Variants in GRIA2 observed in about 807,000 individuals in gnomAD.
GRIA2 encodes the protein glutamate ionotropic receptor AMPA type subunit 2, also known as glutamate receptor 2.
A neutral mutation model predicts 97.3 loss-of-function variants in GRIA2; 14 were observed. The observed-to-expected ratio is 0.14, with a 90% CI of 0.10 to 0.23. The LOEUF is 0.23. GRIA2 is among the 10% of genes least tolerant of loss of function. GRIA2 has a pLI of 1.00. For synonymous variants in GRIA2, 412 were observed against 387.8 expected (o/e 1.06, Z -0.73); for missense variants, 558 against 1,069.8 (o/e 0.52, Z 6.67).
In GRIA2 at chr4:157,294,193, C is replaced by CTT. The variant is rs59119203; in HGVS notation, c.230-9348_230-9347dup. 5.0e-3 allele frequency among the ~76,000 whole-genome samples: 715 copies of CTT among 144,162 alleles called. 5 individuals are homozygous for CTT. The highest frequency in any genetic ancestry group is 0.013 in the African/African-American group (525 of 39,484). The allele number at this position is 144,162 out of a possible 152,430, so 94.6% of individuals were successfully genotyped here. On this transcript the variant is annotated intron_variant, in intron 2 of 15. Coordinates refer to ENST00000264426, the MANE Select transcript of GRIA2 (RefSeq NM_001083619.3). The stretch of plus-strand genomic sequence containing the variant: ...AGACAGTAAGGTGATAAAGTTCTGT[C>CTT]TTTTTTTTTTTTGTATTTTATTTAA...
chr4:157,309,268 A>G (rs975567165), intron 3 of GRIA2, among the ~76,000 whole-genome samples: 1 of 152,068 alleles, frequency 6.6e-6, no homozygotes, highest in Non-Finnish European at 1.5e-5. Flanking sequence ...TTTTAATAAC[A>G]GTGAATCCTG....
At chr4:157,258,338 A>G (rs1473147374) in intron 2 of GRIA2, among the ~76,000 whole-genome samples, 1 of 151,870 alleles carries the variant, frequency 6.6e-6, no homozygotes, top group African/African-American at 2.4e-5. Context: ...TCCTAGGGGG[A>G]GGTCTCTAAA....
intron 2 of GRIA2, among the ~76,000 whole-genome samples, chr4:157,292,388 A>T (rs928910127): frequency 6.6e-6 from 1 of 152,022 alleles, no homozygotes; most frequent in Non-Finnish European, 1.5e-5. Context: ...TAATATCCAG[A>T]TATTAATATT....
At chr4:157,337,732 G>C (rs1443519367) in intron 11 of GRIA2, among the ~76,000 whole-genome samples, 4 of 151,588 alleles carry the variant, frequency 2.6e-5, no homozygotes, top group Non-Finnish European at 5.9e-5. Flanking sequence ...TGTATGAGAA[G>C]CTCAAAGATT....
At chr4:157,279,508 A>G (rs140401378) in intron 2 of GRIA2, among the ~76,000 whole-genome samples, 163 of 152,250 alleles carry the variant, frequency 1.1e-3, no homozygotes, top group Non-Finnish European at 1.7e-3. Context: ...GTTTCAATGT[A>G]GATTCATTAA....
intron 6 of GRIA2, among the ~76,000 whole-genome samples, chr4:157,323,383 C>A (rs571716311): frequency 3.0e-4 from 38 of 127,546 alleles, no homozygotes; most frequent in African/African-American, 1.1e-3. Context: ...CTGTTTATAT[C>A]GGGGAGGTAC....
chr4:157,357,082 G>A (rs1488187628), intron 12 of GRIA2, among the ~76,000 whole-genome samples: 1 of 151,928 alleles, frequency 6.6e-6, no homozygotes, highest in Non-Finnish European at 1.5e-5. Flanking sequence ...TTTTGCTATG[G>A]TTTTGGAGAA....
intron 2 of GRIA2, among the ~76,000 whole-genome samples, chr4:157,225,146 A>G (rs2126677698): frequency 6.6e-6 from 1 of 152,200 alleles, no homozygotes; most frequent in East Asian, 1.9e-4. Context: ...AAGGTTATAC[A>G]AAGAAAATGA....
At chr4:157,356,147 ATTT>A (rs1736356309) in intron 12 of GRIA2, among the ~76,000 whole-genome samples, 1 of 125,944 alleles carries the variant, frequency 7.9e-6, no homozygotes, top group Admixed American at 9.9e-5. Flanking sequence ...ATATATTTAT[ATTT>A]ATTTATTTAT....
At chr4:157,359,850 T>C in intron 12 of GRIA2, 46 bp from the exon 13 acceptor site, 1 of 1,562,898 alleles carries the variant, frequency 6.4e-7, no homozygotes, top group Non-Finnish European at 8.7e-7. Flanking sequence ...GAGTAATTTT[T>C]TAGGGCCATC....
chr4:157,226,171 TA>T (rs1729736350), intron 2 of GRIA2, among the ~76,000 whole-genome samples: 1 of 151,988 alleles, frequency 6.6e-6, no homozygotes, highest in Non-Finnish European at 1.5e-5. Context: ...TACAACAAAA[TA>T]AATTATAAAA....
At chr4:157,344,836 T>C (rs1338184688) in intron 12 of GRIA2, among the ~76,000 whole-genome samples, 2 of 152,136 alleles carry the variant, frequency 1.3e-5, no homozygotes, top group Non-Finnish European at 2.9e-5. Context: ...TTTCAAATAA[T>C]AACTAACTGA....
chr4:157,354,701 G>A (rs757525004), intron 12 of GRIA2, among the ~76,000 whole-genome samples: 7 of 152,102 alleles, frequency 4.6e-5, no homozygotes, highest in Non-Finnish European at 1.0e-4. Context: ...AGTTATAGCA[G>A]CAAAAATGAA....
At chr4:157,277,907 T>TATATATGTATAC (rs1732418862) in intron 2 of GRIA2, among the ~76,000 whole-genome samples, 2 of 146,758 alleles carry the variant, frequency 1.4e-5, no homozygotes, top group African/African-American at 5.0e-5. Flanking sequence ...TATATGTATA[T>TATATATGTATAC]ATGTATATAT....
At position 157,363,358 on chromosome 4, in the gene GRIA2, C is replaced by T. The variant is rs539687069; in HGVS notation, c.*4-77C>T. 2.3e-5 allele frequency: 23 copies of T among 993,502 alleles called. No individual in the cohort carries two copies. The Admixed American group carries it at 6.2e-4, about 27-fold the overall frequency. 61.5% of individuals were successfully genotyped at this position (993,502 alleles called of 1,614,324 possible). Reference sequence around the variant, plus strand: ...AGAAGTAAACTTTTCAAAAACAACCCTGCCTTTCCTCTGGATGCATTTGAA... The same window carrying T: ...AGAAGTAAACTTTTCAAAAACAACCTTGCCTTTCCTCTGGATGCATTTGAA... On this transcript the variant is annotated intron_variant, in intron 15 of 15. Coordinates refer to ENST00000264426, the MANE Select transcript of GRIA2 (RefSeq NM_001083619.3).
At chr4:157,315,596 G>A (rs905350963) in intron 4 of GRIA2, among the ~76,000 whole-genome samples, 1 of 151,984 alleles carries the variant, frequency 6.6e-6, no homozygotes, top group African/African-American at 2.4e-5. Context: ...AGGCTGGACT[G>A]CAGTGGCGCA....
intron 2 of GRIA2, among the ~76,000 whole-genome samples, chr4:157,227,757 A>T (rs1480600400): frequency 6.6e-6 from 1 of 152,184 alleles, no homozygotes; most frequent in Non-Finnish European, 1.5e-5. Flanking sequence ...AGCAATTTTA[A>T]ATAAAAATTT....
intron 2 of GRIA2, among the ~76,000 whole-genome samples, chr4:157,295,789 T>A (rs1030678179): frequency 2.6e-5 from 4 of 152,150 alleles, no homozygotes; most frequent in African/African-American, 9.7e-5. Flanking sequence ...ATTTTTATGA[T>A]TCCCCCCAAT....
intron 2 of GRIA2, among the ~76,000 whole-genome samples, chr4:157,244,650 A>C (rs1043882122): frequency 1.3e-5 from 2 of 152,060 alleles, no homozygotes; most frequent in Non-Finnish European, 1.5e-5. Flanking sequence ...CCTATATAAA[A>C]GAGGCTACTG....
Sources: gnomAD v4.1 joint callset for allele counts (sites outside exome capture counted in the v4.1 genomes callset) on GRCh38, gnomAD v4.1.1 for gene constraint, MANE v1.5 for transcripts, NCBI Gene and HGNC (gene_info 2026-07-23, HGNC 2026-07-21) for gene names.